The following UBA6 variants were observed in gnomAD, a reference collection of about 807,000 sequenced individuals.
The protein encoded by UBA6 is ubiquitin-like modifier-activating enzyme 6.
UBA6 carries 87 observed loss-of-function variants against 148.3 expected under a neutral mutation model. The observed-to-expected ratio is 0.59, with a 90% CI of 0.49 to 0.70. UBA6 has a LOEUF of 0.70. Among genes scored for constraint, UBA6 ranks in the 30% least tolerant of loss-of-function variants. UBA6 has a pLI of 0.00. For missense variants in UBA6, 1,186 were observed against 1,241.2 expected (o/e 0.96, Z 0.67); for synonymous variants, 376 against 401.0 (o/e 0.94, Z 0.75).
chr4:67,675,997 A>G (rs1577831628), intron 6 of UBA6, among the ~76,000 whole-genome samples: 1 of 144,806 alleles, frequency 6.9e-6, no homozygotes, highest in South Asian at 2.2e-4. Context: ...GGGTATGGCC[A>G]TTATGGCCAT....
intron 13 of UBA6, among the ~76,000 whole-genome samples, chr4:67,659,663 GACA>G (rs1729800785): frequency 5.8e-5 from 1 of 17,258 alleles, no homozygotes; most frequent in Non-Finnish European, 1.4e-4. Context: ...TATGCAGTGT[GACA>G]ACAGACTAAT....
intron 32 of UBA6, among the ~76,000 whole-genome samples, chr4:67,620,920 A>G (rs2109892066): frequency 6.6e-6 from 1 of 152,308 alleles, no homozygotes; most frequent in South Asian, 2.1e-4. Context: ...ACCTCATGCT[A>G]TTAATCATAA....
intron 13 of UBA6, among the ~76,000 whole-genome samples, chr4:67,655,915 A>G (rs1038000309): frequency 2.3e-4 from 35 of 152,258 alleles, no homozygotes; most frequent in African/African-American, 8.4e-4. Context: ...AAGCCCCTCT[A>G]TGCAAATAAA....
intron 19 of UBA6, among the ~76,000 whole-genome samples, chr4:67,637,663 G>A (rs940946511): frequency 3.9e-5 from 6 of 152,038 alleles, no homozygotes; most frequent in Middle Eastern, 3.2e-3. Context: ...TCTCTGAAAC[G>A]TGTGCTGTGT....
At chr4:67,646,349 GA>G (rs1230290441) in intron 15 of UBA6, among the ~76,000 whole-genome samples, 1 of 152,124 alleles carries the variant, frequency 6.6e-6, no homozygotes, top group Non-Finnish European at 1.5e-5. Flanking sequence ...ATCAAAGGCA[GA>G]AATTTGGGTT....
chr4:67,630,640 C>A, intron 25 of UBA6, 105 bp from the exon 26 acceptor site: 2 of 691,560 alleles, frequency 2.9e-6, no homozygotes, highest in South Asian at 2.8e-5. Context: ...AGAAATATAA[C>A]CACAGAATTA....
intron 2 of UBA6, among the ~76,000 whole-genome samples, 167 bp downstream of exon 2, chr4:67,696,476 CAT>C (rs941890973): frequency 3.3e-5 from 5 of 150,666 alleles, no homozygotes; most frequent in African/African-American, 9.8e-5. Flanking sequence ...CATATATACA[CAT>C]ATATACACAC....
chr4:67,633,569 CA>C, intron 22 of UBA6, 96 bp from the exon 23 acceptor site: 1 of 1,117,870 alleles, frequency 8.9e-7, no homozygotes, highest in Non-Finnish European at 1.2e-6. Flanking sequence ...AGTGTCAACT[CA>C]TGTGTTTTAT....
intron 14 of UBA6, among the ~76,000 whole-genome samples, chr4:67,647,642 A>G (rs1204926598): frequency 2.0e-5 from 3 of 151,892 alleles, no homozygotes; most frequent in Non-Finnish European, 4.4e-5. Flanking sequence ...GTTAATGAAG[A>G]AAAGAACTGA....
chr4:67,663,004 TAATA>T (rs1729901940), intron 12 of UBA6, 131 bp downstream of exon 12: 1 of 516,406 alleles, frequency 1.9e-6, no homozygotes, highest in Non-Finnish European at 3.3e-6. Flanking sequence ...CAGAAAGTCA[TAATA>T]AATGTTTGCA....
At position 67,616,309 on chromosome 4, in the gene UBA6, ATT is replaced by A; in HGVS notation, c.*2686_*2687del. On this transcript the variant is annotated 3_prime_UTR_variant, in exon 33 of 33. Transcript: ENST00000322244. ...ATAGTGGAAAGATTTAGGTCACGAG[ATT>A]TTTTTTTTCCCTAAAAATTTCAAAA... 2.8e-6 allele frequency: 1 copy of A among 363,060 alleles called. No homozygotes were observed. The highest frequency in any genetic ancestry group is 3.9e-5 in the East Asian group (1 of 25,572). 22.5% of individuals were successfully genotyped at this position (363,060 alleles called of 1,614,324 possible).
intron 2 of UBA6, among the ~76,000 whole-genome samples, chr4:67,688,906 A>G (rs1040178840): frequency 6.6e-6 from 1 of 152,124 alleles, no homozygotes; most frequent in East Asian, 1.9e-4. Flanking sequence ...AATACTAACT[A>G]AATTTCAATA....
intron 17 of UBA6, among the ~76,000 whole-genome samples, chr4:67,641,665 T>C (rs1218711677): frequency 2.0e-5 from 3 of 152,104 alleles, no homozygotes; most frequent in East Asian, 1.9e-4. Flanking sequence ...AACTTTGGTC[T>C]TGAACTCCTA....
At chr4:67,665,364 A>G in intron 9 of UBA6, 72 bp from the exon 10 acceptor site, 2 of 918,966 alleles carry the variant, frequency 2.2e-6, no homozygotes, top group South Asian at 1.7e-5. Flanking sequence ...TTATTGTCAT[A>G]AGAGGTTAAT....
chr4:67,656,700 G>T (rs1729706011), intron 13 of UBA6, among the ~76,000 whole-genome samples: 1 of 152,158 alleles, frequency 6.6e-6, no homozygotes, highest in Non-Finnish European at 1.5e-5. Context: ...GCAAGAGAAA[G>T]AAATAAAGGG....
At position 67,682,224 on chromosome 4, in the gene UBA6, A is replaced by G; in HGVS notation, c.135-11T>C. On this transcript the variant is annotated splice_polypyrimidine_tract_variant and intron_variant, in intron 2 of 32. Coordinates refer to ENST00000322244, the MANE Select transcript of UBA6 (RefSeq NM_018227.6). ...ACGTACCTCTGTCGACTACACGGAA[A>G]ACACAATAAAAAACAAAAAATTATT... 3 of 1,605,772 alleles carry G rather than the reference A, an allele frequency of 1.9e-6. No individual in the cohort carries two copies. Among genetic ancestry groups the G allele is most frequent in the Non-Finnish European group, 2.6e-6 (3 of 1,175,036 alleles).
chr4:67,695,451 A>T lies in UBA6; in HGVS notation c.134+1194T>A, dbSNP rs570020460. Among the ~76,000 whole-genome samples, 6 of 152,274 alleles carry T rather than the reference A, an allele frequency of 3.9e-5. No homozygotes were observed. The South Asian group carries it at 1.2e-3, about 32-fold the overall frequency. ...AATATCACACACATCATTTCTGATC[A>T]CCCTATCAATAAAATGGCTACTCTT... On this transcript the variant is annotated intron_variant, in intron 2 of 32. Coordinates refer to ENST00000322244, the MANE Select transcript of UBA6 (RefSeq NM_018227.6).
At chr4:67,683,349 T>A (rs779243915) in intron 2 of UBA6, among the ~76,000 whole-genome samples, 1 of 152,198 alleles carries the variant, frequency 6.6e-6, no homozygotes, top group Non-Finnish European at 1.5e-5. Flanking sequence ...AAATTATTTA[T>A]GAGATGGACT....
Position 67,634,298 on chromosome 4 carries a change from G to A in UBA6, c.1957C>T (p.Pro653Ser). 1 of 1,594,782 alleles carries A rather than the reference G, an allele frequency of 6.3e-7. No individual in the cohort carries two copies. The highest frequency in any genetic ancestry group is 1.2e-5 in the South Asian group (1 of 85,752). ...DKFESSFSHKPSLFNKFWQTY... is the reference protein window; with the variant it reads ...DKFESSFSHKSSLFNKFWQTY... Reference sequence around the variant, plus strand: ...TGCCAAAATTTGTTAAACAATGAAGGTTTGTGGGAAAAGGAACTTTCAAAC... The same window carrying A: ...TGCCAAAATTTGTTAAACAATGAAGATTTGTGGGAAAAGGAACTTTCAAAC... The change falls in exon 22 of 33, where the codon CCT becomes TCT. Residue 653 changes from proline to serine, a missense_variant. Pro to Ser is a moderately conservative substitution (Grantham distance 74, BLOSUM62 -1). Coordinates refer to ENST00000322244, the MANE Select transcript of UBA6 (RefSeq NM_018227.6).
Sources: gnomAD v4.1 joint callset for allele counts (sites outside exome capture counted in the v4.1 genomes callset) on GRCh38, gnomAD v4.1.1 for gene constraint, MANE v1.5 for transcripts, NCBI Gene and HGNC (gene_info 2026-07-23, HGNC 2026-07-21) for gene names.